The following WDHD1 variants were observed in gnomAD, a reference collection of about 807,000 sequenced individuals.
The protein encoded by WDHD1 is WD repeat and HMG-box DNA binding protein 1.
In WDHD1, 111 loss-of-function variants were observed where a neutral mutation model predicts 135.4. That is an observed-to-expected ratio of 0.82 (90% CI 0.70 to 0.96). The LOEUF is 0.96. WDHD1 is among the 40% of genes least tolerant of loss of function. The pLI, the probability that WDHD1 is intolerant of heterozygous loss-of-function variation, is 0.00. For missense variants in WDHD1, 1,351 were observed against 1,336.3 expected (o/e 1.01, Z -0.17); for synonymous variants, 434 against 439.0 (o/e 0.99, Z 0.14).
intron 24 of WDHD1, among the ~76,000 whole-genome samples, chr14:54,950,235 T>C (rs920136806): frequency 2.0e-5 from 3 of 152,194 alleles, no homozygotes; most frequent in Admixed American, 1.3e-4. Flanking sequence ...CAGTGTGCTG[T>C]ATTCAGGAGA....
At chr14:54,942,832 T>C (rs112949728) in intron 25 of WDHD1, among the ~76,000 whole-genome samples, 537 of 152,326 alleles carry the variant, frequency 3.5e-3, no homozygotes, top group Non-Finnish European at 5.8e-3. Flanking sequence ...GTTTAGGGTT[T>C]ACCTTAAAAA....
chr14:54,999,072 C>CT (rs1284260673), intron 10 of WDHD1, among the ~76,000 whole-genome samples: 1 of 152,160 alleles, frequency 6.6e-6, no homozygotes, highest in Non-Finnish European at 1.5e-5. Context: ...CTCTTTACGT[C>CT]TTTTCTCTTA....
At chr14:54,992,876 G>A (rs1246872531) in intron 11 of WDHD1, among the ~76,000 whole-genome samples, 1 of 152,018 alleles carries the variant, frequency 6.6e-6, no homozygotes, top group Non-Finnish European at 1.5e-5. Context: ...TGATACCACT[G>A]CACTCCAGCC....
chr14:55,023,017 G>A (rs1217400540), intron 2 of WDHD1, among the ~76,000 whole-genome samples: 1 of 151,706 alleles, frequency 6.6e-6, no homozygotes, highest in African/African-American at 2.4e-5. Flanking sequence ...GTAGAGACAG[G>A]GTTTCAACAC....
At chr14:55,018,984 T>C (rs1326477236) in intron 2 of WDHD1, among the ~76,000 whole-genome samples, 1 of 151,974 alleles carries the variant, frequency 6.6e-6, no homozygotes, top group Admixed American at 6.6e-5. Context: ...GATGGTGCCA[T>C]TGCACTCCAG....
At chr14:54,957,343 AATT>A in intron 22 of WDHD1, 139 bp from the exon 23 acceptor site, 1 of 990,634 alleles carries the variant, frequency 1.0e-6, no homozygotes. Flanking sequence ...GTACAATCCA[AATT>A]AAGAATGATA....
At chr14:55,013,925 C>A (rs891591461) in intron 2 of WDHD1, among the ~76,000 whole-genome samples, 1 of 151,970 alleles carries the variant, frequency 6.6e-6, no homozygotes, top group Non-Finnish European at 1.5e-5. Context: ...AAAAAAGTCA[C>A]CTAGTTTCAT....
Position 54,993,266 on chromosome 14 carries a change from C to T in WDHD1, c.1154-1866G>A, listed in dbSNP as rs576794954. ...CCAAGTAGGTGGGATTACAGGCACACGTCACCACACCTGGCTAATTTTTAA... is the reference window on the plus strand; with the variant it reads ...CCAAGTAGGTGGGATTACAGGCACATGTCACCACACCTGGCTAATTTTTAA... On this transcript the variant is annotated intron_variant, in intron 11 of 25. Coordinates refer to ENST00000360586, the MANE Select transcript of WDHD1 (RefSeq NM_007086.4). Among the ~76,000 whole-genome samples the T allele has an allele frequency of 7.7e-4, 117 of 152,180 alleles. 2 individuals carry two copies. The South Asian group carries it at 0.023, about 29-fold the overall frequency.
chr14:54,957,026 A>C lies in WDHD1; in HGVS notation c.2916+8T>G. ...GCTTACTGCAGATGAGGGTAGCTGAAACAGTACCTGCTTAGGCTTCGGCTT... is the reference window on the plus strand; with the variant it reads ...GCTTACTGCAGATGAGGGTAGCTGACACAGTACCTGCTTAGGCTTCGGCTT... On this transcript the variant is annotated splice_region_variant and intron_variant, in intron 23 of 25. Coordinates refer to ENST00000360586, the MANE Select transcript of WDHD1 (RefSeq NM_007086.4). 3 of 1,612,086 alleles carry C rather than the reference A, an allele frequency of 1.9e-6. No homozygotes were observed. Among genetic ancestry groups the C allele is most frequent in the South Asian group, 1.1e-5 (1 of 90,684 alleles).
At chr14:54,944,683 G>A (rs970940895) in intron 24 of WDHD1, 3 of 307,144 alleles carry the variant, frequency 9.8e-6, no homozygotes, top group South Asian at 1.0e-4. Flanking sequence ...GCAATGGCGC[G>A]ATCTCAGCTC....
chr14:55,007,232 A>AAT, intron 7 of WDHD1, 48 bp downstream of exon 7: 2 of 324,176 alleles, frequency 6.2e-6, no homozygotes, highest in Non-Finnish European at 9.6e-6. Flanking sequence ...CATCTCTAAT[A>AAT]AAAAAAAAAA....
In WDHD1 at chr14:54,995,622, T is replaced by C. The variant is rs769663026; in HGVS notation, c.1134A>G (p.Glu378=). 1 of 1,603,382 alleles carries C rather than the reference T, an allele frequency of 6.2e-7. No homozygotes were observed. The highest frequency in any genetic ancestry group is 8.5e-7 in the Non-Finnish European group (1 of 1,175,610). The part of the protein sequence containing the change: ...GRPRQRSHIL[E]DDENSVDISM... ...TCTTACCAACTGAGTTTTCATCATC[T>C]TCTAGGATGTGACTTCGCTGTCTAG... Residue 378 remains glutamate, a synonymous_variant, in exon 11 of 26, where the codon GAA becomes GAG. Coordinates refer to ENST00000360586, the MANE Select transcript of WDHD1 (RefSeq NM_007086.4).
chr14:55,025,809 G>T (rs1174942449), intron 2 of WDHD1, among the ~76,000 whole-genome samples: 1 of 152,088 alleles, frequency 6.6e-6, no homozygotes, highest in Non-Finnish European at 1.5e-5. Context: ...TGGCCCCATT[G>T]GGCCTTTACA....
At chr14:55,015,846 G>A (rs2042253346) in intron 2 of WDHD1, among the ~76,000 whole-genome samples, 1 of 152,140 alleles carries the variant, frequency 6.6e-6, no homozygotes, top group Non-Finnish European at 1.5e-5. Context: ...CTGCAGGCGT[G>A]CGCCACCACA....
intron 24 of WDHD1, among the ~76,000 whole-genome samples, chr14:54,952,867 A>G (rs1266750176): frequency 2.0e-5 from 3 of 152,246 alleles, no homozygotes; most frequent in African/African-American, 7.2e-5. Flanking sequence ...AAAAACAAGA[A>G]ATGGGGAAAG....
chr14:54,975,960 G>A (rs2041518393), intron 16 of WDHD1, among the ~76,000 whole-genome samples: 1 of 152,162 alleles, frequency 6.6e-6, no homozygotes, highest in Admixed American at 6.5e-5. Context: ...AATAAAGAAA[G>A]AGGTATCACT....
In WDHD1 at chr14:54,995,637, T is replaced by G; in HGVS notation, c.1119A>C (p.Arg373=). 2 of 1,609,742 alleles carry G rather than the reference T, an allele frequency of 1.2e-6. No individual in the cohort carries two copies. Among genetic ancestry groups the G allele is most frequent in the Non-Finnish European group, 1.7e-6 (2 of 1,178,190 alleles). Residue 373 remains arginine, a synonymous_variant, in exon 11 of 26, where the codon CGA becomes CGC. Transcript: ENST00000360586. ...TTTCATCATCTTCTAGGATGTGACTTCGCTGTCTAGGACGACCTGAAGCCA... is the reference window on the plus strand; with the variant it reads ...TTTCATCATCTTCTAGGATGTGACTGCGCTGTCTAGGACGACCTGAAGCCA... ...LMMASGRPRQ[R]SHILEDDENS... is the part of the protein sequence containing the mutation.
intron 21 of WDHD1, among the ~76,000 whole-genome samples, chr14:54,960,626 A>G (rs1302559601): frequency 6.6e-6 from 1 of 151,246 alleles, no homozygotes; most frequent in Admixed American, 6.6e-5. Flanking sequence ...CAGCCTCCCG[A>G]GTAGCTGGGA....
chr14:55,019,534 C>T (rs1002683526), intron 2 of WDHD1, among the ~76,000 whole-genome samples: 1 of 152,042 alleles, frequency 6.6e-6, no homozygotes, highest in African/African-American at 2.4e-5. Context: ...CCCCAATAAA[C>T]CAGATTTTAG....
Sources: allele counts gnomAD v4.1 joint callset (sites outside exome capture counted in the v4.1 genomes callset), GRCh38; gene constraint gnomAD v4.1.1; transcripts MANE v1.5; gene names NCBI Gene and HGNC (gene_info 2026-07-23, HGNC 2026-07-21).